Variants in SEMA5A observed in about 807,000 individuals in gnomAD.
The protein encoded by SEMA5A is semaphorin-5A.
Under a neutral mutation model 135.5 loss-of-function variants are expected in SEMA5A, and 55 were observed. The ratio of observed to expected loss-of-function variants is 0.41; its 90% CI spans 0.33 to 0.51. The LOEUF (loss-of-function observed/expected upper bound fraction) is 0.51. SEMA5A is among the 20% of genes least tolerant of loss of function. The pLI is 0.37. For missense variants in SEMA5A, 1,290 were observed against 1,419.9 expected, an observed-to-expected ratio of 0.91 and a Z score of 1.47; for synonymous variants, 580 against 546.5, an observed-to-expected ratio of 1.06 and a Z score of -0.85.
intron 1 of SEMA5A, among the ~76,000 whole-genome samples, chr5:9,522,453 C>T (rs530398940): frequency 2.6e-5 from 4 of 152,182 alleles, no homozygotes; most frequent in South Asian, 2.1e-4. Context: ...CATGGTGCTG[C>T]GTGCCTCTAA....
intron 16 of SEMA5A, among the ~76,000 whole-genome samples, chr5:9,069,552 T>C (rs1427184386): frequency 6.6e-6 from 1 of 152,222 alleles, no homozygotes; most frequent in Non-Finnish European, 1.5e-5. Context: ...CTGTTTTAAA[T>C]ACTCTAACTA....
intron 1 of SEMA5A, among the ~76,000 whole-genome samples, chr5:9,494,489 C>T (rs780423626): frequency 2.6e-5 from 4 of 152,108 alleles, no homozygotes; most frequent in African/African-American, 7.2e-5. Flanking sequence ...CTCCCCAACG[C>T]GGCTGCTCAT....
chr5:9,269,545 A>AT, intron 5 of SEMA5A, among the ~76,000 whole-genome samples: 1 of 152,276 alleles, frequency 6.6e-6, no homozygotes, highest in Middle Eastern at 3.4e-3. Flanking sequence ...TGCCCTAATT[A>AT]CCAAAAAATG....
intron 11 of SEMA5A, among the ~76,000 whole-genome samples, chr5:9,168,535 G>A (rs988620129): frequency 1.3e-5 from 2 of 152,202 alleles, no homozygotes; most frequent in Non-Finnish European, 2.9e-5. Flanking sequence ...GGGTGAGGGG[G>A]AGGAGGATGC....
At chr5:9,106,241 T>G (rs1436982286) in intron 16 of SEMA5A, among the ~76,000 whole-genome samples, 1 of 152,248 alleles carries the variant, frequency 6.6e-6, no homozygotes, top group Admixed American at 6.5e-5. Flanking sequence ...TGTGTTATTC[T>G]GGATTTGAAA....
chr5:9,491,285 C>T (rs268472), intron 1 of SEMA5A, among the ~76,000 whole-genome samples: 147,762 of 152,158 alleles, frequency 0.97, 71,992 homozygotes, highest in Non-Finnish European at 1. Context: ...TTTCGGGGCA[C>T]GAGACTGGTC....
At chr5:9,497,815 C>T (rs908062376) in intron 1 of SEMA5A, among the ~76,000 whole-genome samples, 8 of 152,220 alleles carry the variant, frequency 5.3e-5, no homozygotes, top group Non-Finnish European at 1.2e-4. Context: ...TAATTTCTTC[C>T]TAAAACTGCA....
chr5:9,064,796 C>T (rs1221586539), intron 17 of SEMA5A, among the ~76,000 whole-genome samples: 1 of 152,142 alleles, frequency 6.6e-6, no homozygotes, highest in African/African-American at 2.4e-5. Flanking sequence ...GTGGGATATA[C>T]TTTTCCTGAA....
At chr5:9,445,961 A>G (rs769756064) in intron 1 of SEMA5A, among the ~76,000 whole-genome samples, 5 of 152,252 alleles carry the variant, frequency 3.3e-5, no homozygotes, top group Non-Finnish European at 5.9e-5. Context: ...TGGAGCCTTC[A>G]TGCCCAGATC....
In SEMA5A at chr5:9,337,885, C is replaced by T. The variant is rs997724500; in HGVS notation, c.125-73G>A. On this transcript the variant is annotated intron_variant, in intron 3 of 22. Coordinates refer to ENST00000382496, the MANE Select transcript of SEMA5A (RefSeq NM_003966.3). ...TCCTCTGGGGACCACAGATAGTGCACATCAGGTAGCAGACGTTACATTTCA... is the reference window on the plus strand; with the variant it reads ...TCCTCTGGGGACCACAGATAGTGCATATCAGGTAGCAGACGTTACATTTCA... 4 of 981,580 alleles carry T rather than the reference C, an allele frequency of 4.1e-6. No individual in the cohort carries two copies. In the East Asian group the frequency reaches 1.1e-4, roughly 26 times the overall value. 60.8% of individuals were successfully genotyped at this position (981,580 alleles called of 1,614,324 possible).
rs537979171 is a variant in SEMA5A at position 9,165,428 on chromosome 5, T to A, written c.1274-10733A>T. Among the ~76,000 whole-genome samples the A allele has an allele frequency of 1.1e-3, 167 of 152,354 alleles. 1 individual carries two copies. The highest frequency in any genetic ancestry group is 6.4e-3 in the South Asian group (31 of 4,834). On this transcript the variant is annotated intron_variant, in intron 11 of 22. Transcript: ENST00000382496. ...TTTATTAATTCTGTAACTTTTGTTA[T>A]AGTTTAAGGTATTTTTAAAATTATT...
chr5:9,353,327 G>T (rs201512747), intron 3 of SEMA5A, among the ~76,000 whole-genome samples: 10,081 of 61,938 alleles, frequency 0.16, 118 homozygotes, highest in South Asian at 0.21. Context: ...AGGAAGGAAA[G>T]GAAAGGAAAT....
intron 19 of SEMA5A, among the ~76,000 whole-genome samples, chr5:9,053,629 G>A (rs1001245559): frequency 3.3e-5 from 5 of 152,182 alleles, no homozygotes; most frequent in East Asian, 3.9e-4. Context: ...GGCTGCAGGC[G>A]ATTTCCCCAC....
At chr5:9,378,022 C>T (rs1046200186) in intron 3 of SEMA5A, among the ~76,000 whole-genome samples, 2 of 152,126 alleles carry the variant, frequency 1.3e-5, no homozygotes, top group African/African-American at 4.8e-5. Flanking sequence ...GCTATAATTT[C>T]ACCATGTACA....
chr5:9,183,759 T>C (rs1744655197), intron 11 of SEMA5A, among the ~76,000 whole-genome samples: 1 of 152,244 alleles, frequency 6.6e-6, no homozygotes, highest in Non-Finnish European at 1.5e-5. Flanking sequence ...TCACTTGCCC[T>C]CTTTCCACAA....
intron 6 of SEMA5A, among the ~76,000 whole-genome samples, chr5:9,233,413 C>A (rs1045864428): frequency 4.6e-5 from 7 of 152,170 alleles, no homozygotes; most frequent in Admixed American, 2.0e-4. Context: ...GAACTAAATA[C>A]AACAGGTTTT....
chr5:9,245,702 T>C (rs1748447526), intron 5 of SEMA5A, among the ~76,000 whole-genome samples: 1 of 152,222 alleles, frequency 6.6e-6, no homozygotes, highest in African/African-American at 2.4e-5. Flanking sequence ...TCTAAAGTCT[T>C]AAAATTCTGT....
chr5:9,126,017 G>GT lies in SEMA5A; in HGVS notation c.1600-3181dup, dbSNP rs1741090416. Among the ~76,000 whole-genome samples, 7 of 152,282 alleles carry GT rather than the reference G, an allele frequency of 4.6e-5. No homozygotes were observed. In the South Asian group the frequency reaches 1.5e-3, roughly 32 times the overall value. On this transcript the variant is annotated intron_variant, in intron 13 of 22. Coordinates refer to ENST00000382496, the MANE Select transcript of SEMA5A (RefSeq NM_003966.3). ...CCTGCTTGCTGTGCAAACCTTGCTA[G>GT]TATTGTTTTGACTGTCAAAAGCATG...
At chr5:9,408,014 A>T (rs199627893) in intron 2 of SEMA5A, among the ~76,000 whole-genome samples, 248 of 85,402 alleles carry the variant, frequency 2.9e-3, no homozygotes, top group African/African-American at 0.011. Context: ...ATCACTACCA[A>T]CACCACAACT....
Sources: gnomAD v4.1 joint callset for allele counts (sites outside exome capture counted in the v4.1 genomes callset) on GRCh38, gnomAD v4.1.1 for gene constraint, MANE v1.5 for transcripts, NCBI Gene and HGNC (gene_info 2026-07-23, HGNC 2026-07-21) for gene names.